Variants in PTPRD observed in about 807,000 individuals in gnomAD.
PTPRD encodes receptor-type tyrosine-protein phosphatase delta.
Under a neutral mutation model 214.5 loss-of-function variants are expected in PTPRD, and 34 were observed. That is an observed-to-expected ratio of 0.16 (90% confidence interval 0.12 to 0.21). PTPRD has a LOEUF of 0.21. Ranked by LOEUF, PTPRD falls within the 10% of genes least tolerant of loss-of-function variation. The probability of loss-of-function intolerance (pLI) is 1.00; values close to 1 mark genes in which losing one functional copy is unlikely to be tolerated. For missense variants in PTPRD, 2,545 were observed against 2,398.7 expected (o/e 1.06, Z -1.27); for synonymous variants, 1,128 against 845.7 (o/e 1.33, Z -5.79).
intron 11 of PTPRD, among the ~76,000 whole-genome samples, chr9:8,802,321 A>G (rs1430014384): frequency 6.6e-6 from 1 of 152,192 alleles, no homozygotes; most frequent in Non-Finnish European, 1.5e-5. Context: ...TTCAGACACC[A>G]TGTATCACAG....
intron 2 of PTPRD, among the ~76,000 whole-genome samples, chr9:10,448,566 C>A (rs2098815441): frequency 1.3e-5 from 2 of 151,902 alleles, no homozygotes; most frequent in Admixed American, 6.5e-5. Context: ...CTTAAATATA[C>A]CTTACCGGTA....
chr9:9,039,331 C>G (rs932610566), intron 10 of PTPRD, among the ~76,000 whole-genome samples: 5 of 152,196 alleles, frequency 3.3e-5, no homozygotes, highest in African/African-American at 1.2e-4. Context: ...GATGGGTTCA[C>G]TAGCTTTAGA....
intron 5 of PTPRD, among the ~76,000 whole-genome samples, chr9:9,853,604 G>C (rs953221114): frequency 6.6e-6 from 1 of 151,714 alleles, no homozygotes; most frequent in Non-Finnish European, 1.5e-5. Flanking sequence ...GCTGGAGTGC[G>C]GTGGTACTAT....
intron 21 of PTPRD, among the ~76,000 whole-genome samples, chr9:8,511,981 T>C (rs1375808806): frequency 6.6e-6 from 1 of 152,092 alleles, no homozygotes; most frequent in African/African-American, 2.4e-5. Context: ...TTAGAAGAGA[T>C]TAATATTTGA....
chr9:8,731,348 C>G (rs1369149131), intron 12 of PTPRD, among the ~76,000 whole-genome samples: 2 of 152,128 alleles, frequency 1.3e-5, no homozygotes, highest in African/African-American at 4.8e-5. Flanking sequence ...CTCTGACAAG[C>G]TACTATTAAT....
chr9:8,764,771 G>T (rs1410191472), intron 11 of PTPRD, among the ~76,000 whole-genome samples: 2 of 149,502 alleles, frequency 1.3e-5, no homozygotes, highest in Non-Finnish European at 3.0e-5. Context: ...CTCCAGGATG[G>T]GCAACAGAGA....
At chr9:10,221,953 T>C (rs986688559) in intron 3 of PTPRD, among the ~76,000 whole-genome samples, 6 of 151,936 alleles carry the variant, frequency 3.9e-5, no homozygotes, top group Non-Finnish European at 8.8e-5. Flanking sequence ...CACAATTAGA[T>C]AGGCTAACAA....
chr9:9,664,055 A>G (rs957275327), intron 7 of PTPRD, among the ~76,000 whole-genome samples: 15 of 149,484 alleles, frequency 1.0e-4, no homozygotes, highest in African/African-American at 3.7e-4. Context: ...GACTGTATCA[A>G]TATCTACATA....
Position 8,995,857 on chromosome 9 carries a change from T to C in PTPRD, c.-104+22840A>G, listed in dbSNP as rs142085478. ...TGAGCTGAGGGGCAAACTGACACAATGTGACATTACAGAAAAAGTTCAAAG... is the reference window on the plus strand; with the variant it reads ...TGAGCTGAGGGGCAAACTGACACAACGTGACATTACAGAAAAAGTTCAAAG... On this transcript the variant is annotated intron_variant, in intron 11 of 45. Transcript: ENST00000381196. Among the ~76,000 whole-genome samples, 1,516 of 152,190 alleles carry C rather than the reference T, an allele frequency of 1.0e-2. 68 individuals are homozygous for C. Among genetic ancestry groups the C allele is most frequent in the East Asian group, 0.084 (432 of 5,152 alleles).
At chr9:10,256,293 C>A (rs946744467) in intron 3 of PTPRD, among the ~76,000 whole-genome samples, 4 of 151,832 alleles carry the variant, frequency 2.6e-5, no homozygotes, top group African/African-American at 9.7e-5. Flanking sequence ...CACATCTTGT[C>A]CCACTGGAAG....
At chr9:8,330,977 G>GTGAATGTC (rs1840020112) in intron 44 of PTPRD, among the ~76,000 whole-genome samples, 2 of 150,966 alleles carry the variant, frequency 1.3e-5, no homozygotes, top group Admixed American at 1.3e-4. Context: ...TAAATTTATG[G>GTGAATGTC]TGAATGTCTG....
chr9:10,280,512 C>T (rs144135367), intron 3 of PTPRD, among the ~76,000 whole-genome samples: 1 of 152,118 alleles, frequency 6.6e-6, no homozygotes, highest in Non-Finnish European at 1.5e-5. Flanking sequence ...TTGTGATTCT[C>T]AAAGTCTATT....
chr9:8,952,027 A>G (rs1278208897), intron 11 of PTPRD, among the ~76,000 whole-genome samples: 1 of 152,002 alleles, frequency 6.6e-6, no homozygotes, highest in East Asian at 1.9e-4. Flanking sequence ...ACACATATAT[A>G]AAAATATATA....
At chr9:9,463,638 TA>T (rs2093873177) in intron 8 of PTPRD, among the ~76,000 whole-genome samples, 1 of 152,172 alleles carries the variant, frequency 6.6e-6, no homozygotes, top group South Asian at 2.1e-4. Flanking sequence ...TTTTTATTTT[TA>T]TTTTTTTTAA....
chr9:9,223,371 T>C (rs2099957421), intron 9 of PTPRD, among the ~76,000 whole-genome samples: 1 of 151,970 alleles, frequency 6.6e-6, no homozygotes, highest in Non-Finnish European at 1.5e-5. Context: ...TAGGAAGCTC[T>C]TTTGTGCTGT....
intron 9 of PTPRD, among the ~76,000 whole-genome samples, chr9:9,302,612 T>TTC (rs1372039119): frequency 4.9e-5 from 7 of 142,952 alleles, no homozygotes; most frequent in Non-Finnish European, 1.1e-4. Context: ...TTTTTTTTTT[T>TTC]TTTTTGTCTT....
chr9:9,658,726 T>C (rs1459809939), intron 7 of PTPRD, among the ~76,000 whole-genome samples: 1 of 152,198 alleles, frequency 6.6e-6, no homozygotes, highest in African/African-American at 2.4e-5. Context: ...TCATTATCAC[T>C]AGTACTCTTA....
chr9:9,925,524 G>GT, intron 5 of PTPRD, among the ~76,000 whole-genome samples: 1 of 151,888 alleles, frequency 6.6e-6, no homozygotes, highest in African/African-American at 2.4e-5. Context: ...CTTCACATTA[G>GT]TTTTTTTAAA....
At chr9:9,646,713 T>G (rs910521699) in intron 7 of PTPRD, among the ~76,000 whole-genome samples, 2 of 152,178 alleles carry the variant, frequency 1.3e-5, no homozygotes, top group East Asian at 1.9e-4. Flanking sequence ...TGCCTGAAAC[T>G]GCAGATAGTA....
Sources: allele counts gnomAD v4.1 joint callset (sites outside exome capture counted in the v4.1 genomes callset), GRCh38; gene constraint gnomAD v4.1.1; transcripts MANE v1.5; gene names NCBI Gene and HGNC (gene_info 2026-07-23, HGNC 2026-07-21).